Variants in DIP2C observed in about 807,000 individuals in gnomAD.
DIP2C encodes the protein disco-interacting protein 2 homolog C.
DIP2C carries 33 observed loss-of-function variants against 192.4 expected under a neutral mutation model. That is an observed-to-expected ratio of 0.17 (90% confidence interval 0.13 to 0.23). The LOEUF (loss-of-function observed/expected upper bound fraction) is 0.23. DIP2C is among the 10% of genes least tolerant of loss of function. DIP2C has a pLI of 1.00. For missense variants in DIP2C, 1,537 were observed against 2,110.1 expected (o/e 0.73, Z 5.32); for synonymous variants, 979 against 864.1 (o/e 1.13, Z -2.33).
rs879391648 is a variant in DIP2C at position 429,174 on chromosome 10, A to G, written c.395-6141T>C. On this transcript the variant is annotated intron_variant, in intron 4 of 36. Transcript: ENST00000280886. Reference sequence around the variant, plus strand: ...CATACAGAGATCACATGCTACTAAAAAATCCTCCTGCTTTGCCTATTCATC... The same window carrying G: ...CATACAGAGATCACATGCTACTAAAGAATCCTCCTGCTTTGCCTATTCATC... Among the ~76,000 whole-genome samples the G allele has an allele frequency of 1.1e-4, 17 of 151,830 alleles. 1 individual carries two copies. Among genetic ancestry groups the G allele is most frequent in the Non-Finnish European group, 2.2e-4 (15 of 67,954 alleles).
intron 2 of DIP2C, among the ~76,000 whole-genome samples, chr10:483,643 C>T (rs1192724667): frequency 6.6e-6 from 1 of 152,222 alleles, no homozygotes; most frequent in Non-Finnish European, 1.5e-5. Context: ...GTCGCCTTCT[C>T]ATCAGCTCTG....
chr10:362,978 G>C (rs1395857697), intron 21 of DIP2C, among the ~76,000 whole-genome samples: 2 of 152,142 alleles, frequency 1.3e-5, no homozygotes, highest in African/African-American at 4.8e-5. Flanking sequence ...CCTCCCCAAG[G>C]TGTCCGGTAG....
chr10:473,580 G>A (rs901961496), intron 2 of DIP2C, among the ~76,000 whole-genome samples: 1 of 151,036 alleles, frequency 6.6e-6, no homozygotes, highest in Admixed American at 6.6e-5. Context: ...TCTGTGAACG[G>A]CTCTGATACC....
At chr10:617,487 G>A (rs748170730) in intron 1 of DIP2C, among the ~76,000 whole-genome samples, 6 of 152,152 alleles carry the variant, frequency 3.9e-5, no homozygotes, top group Middle Eastern at 3.2e-3. Context: ...TGCCCTTGAT[G>A]GGAATCCTTC....
intron 3 of DIP2C, among the ~76,000 whole-genome samples, chr10:458,261 T>C (rs1343656744): frequency 2.0e-5 from 3 of 152,176 alleles, no homozygotes; most frequent in Admixed American, 6.5e-5. Context: ...ACTATGTGTA[T>C]TGGAATCAAT....
intron 1 of DIP2C, chr10:663,056 T>G (rs927181734): frequency 4.8e-6 from 3 of 629,698 alleles, no homozygotes; most frequent in Non-Finnish European, 8.9e-6. Flanking sequence ...CTGGGGCAGA[T>G]GGTGACCGTG....
chr10:481,255 C>T (rs969514573), intron 2 of DIP2C, among the ~76,000 whole-genome samples: 1 of 152,230 alleles, frequency 6.6e-6, no homozygotes, highest in African/African-American at 2.4e-5. Context: ...GACGACAGAA[C>T]AAAATGGCAT....
At chr10:581,201 G>A (rs563332662) in intron 1 of DIP2C, among the ~76,000 whole-genome samples, 1 of 152,094 alleles carries the variant, frequency 6.6e-6, no homozygotes, top group Non-Finnish European at 1.5e-5. Context: ...ACTTACTCTA[G>A]TCTACTTGTT....
chr10:679,071 TGC>T (rs1208279458), intron 1 of DIP2C, among the ~76,000 whole-genome samples: 2 of 14,716 alleles, frequency 1.4e-4, no homozygotes, highest in Non-Finnish European at 3.3e-4. Flanking sequence ...CCCGCGCCCA[TGC>T]TCCCCACACC....
At chr10:300,253 C>T (rs540910851) in intron 32 of DIP2C, among the ~76,000 whole-genome samples, 1 of 152,320 alleles carries the variant, frequency 6.6e-6, no homozygotes. Flanking sequence ...AAGTGAACAT[C>T]GGCAGACAAT....
chr10:294,922 GATT>G (rs1263176899), intron 32 of DIP2C, among the ~76,000 whole-genome samples: 1 of 151,938 alleles, frequency 6.6e-6, no homozygotes, highest in African/African-American at 2.4e-5. Flanking sequence ...CCAGACAGGG[GATT>G]AATATTCAGG....
intron 1 of DIP2C, among the ~76,000 whole-genome samples, chr10:546,664 C>T (rs1300869257): frequency 6.6e-6 from 1 of 152,222 alleles, no homozygotes; most frequent in Non-Finnish European, 1.5e-5. Context: ...GGCCTTTCTG[C>T]CCCAATTCCT....
intron 31 of DIP2C, among the ~76,000 whole-genome samples, chr10:326,137 T>TG (rs1957263884): frequency 6.6e-6 from 1 of 152,138 alleles, no homozygotes; most frequent in East Asian, 1.9e-4. Context: ...GAGGCTGCAG[T>TG]GAGCCATGAC....
At chr10:428,171 T>C (rs1966717420) in intron 4 of DIP2C, among the ~76,000 whole-genome samples, 1 of 152,194 alleles carries the variant, frequency 6.6e-6, no homozygotes, top group African/African-American at 2.4e-5. Flanking sequence ...ATCATAAAAT[T>C]CTAAGATCAT....
chr10:445,880 AAG>A (rs1473022481), intron 3 of DIP2C, among the ~76,000 whole-genome samples: 1 of 151,656 alleles, frequency 6.6e-6, no homozygotes. Flanking sequence ...ATCTATTGAG[AAG>A]AGTCTATCTT....
At chr10:617,847 G>A (rs1485424913) in intron 1 of DIP2C, among the ~76,000 whole-genome samples, 1 of 152,200 alleles carries the variant, frequency 6.6e-6, no homozygotes, top group East Asian at 1.9e-4. Context: ...GTGTCTGGGA[G>A]GCTCAAAAAC....
At chr10:330,023 T>A (rs1330080240) in intron 29 of DIP2C, among the ~76,000 whole-genome samples, 1 of 152,188 alleles carries the variant, frequency 6.6e-6, no homozygotes, top group Non-Finnish European at 1.5e-5. Context: ...AATAAAGTTT[T>A]ATTGGAACAG....
At position 568,765 on chromosome 10, in the gene DIP2C, C is replaced by CAAAAAAAAAAAAAAAAAAAAAAAAAA. The variant is rs1206501677; in HGVS notation, c.86-82261_86-82236dup. Among the ~76,000 whole-genome samples the CAAAAAAAAAAAAAAAAAAAAAAAAAA allele has an allele frequency of 5.3e-5, 2 of 37,882 alleles. 1 individual carries two copies. The highest frequency in any genetic ancestry group is 9.3e-5 in the Non-Finnish European group (2 of 21,496). 24.9% of individuals were successfully genotyped at this position (37,882 alleles called of 152,430 possible). ...TGGGCGACAGAGGGAAACTCCGTCT[C>CAAAAAAAAAAAAAAAAAAAAAAAAAA]AAAAAAAAAAAAAAAAAAAAAAAAA... On this transcript the variant is annotated intron_variant, in intron 1 of 36. Coordinates refer to ENST00000280886, the MANE Select transcript of DIP2C (RefSeq NM_014974.3).
At chr10:397,596 T>G (rs1964097568) in intron 10 of DIP2C, among the ~76,000 whole-genome samples, 1 of 150,900 alleles carries the variant, frequency 6.6e-6, no homozygotes, top group Non-Finnish European at 1.5e-5. Flanking sequence ...ACATTGCAGG[T>G]TCAGACCTGG....
Sources: allele counts gnomAD v4.1 joint callset (sites outside exome capture counted in the v4.1 genomes callset), GRCh38; gene constraint gnomAD v4.1.1; transcripts MANE v1.5; gene names NCBI Gene and HGNC (gene_info 2026-07-23, HGNC 2026-07-21).